SPAG16: variants seen among roughly 807,000 people sequenced by gnomAD.
SPAG16 encodes the protein sperm associated antigen 16, also known as sperm-associated antigen 16 protein.
Under a neutral mutation model 80.4 loss-of-function variants are expected in SPAG16, and 86 were observed. The observed-to-expected ratio is 1.07, with a 90% CI of 0.90 to 1.28. SPAG16 has a LOEUF of 1.28. Among genes scored for constraint, SPAG16 ranks in the 50% most tolerant of loss-of-function variants. The pLI, the probability that SPAG16 is intolerant of heterozygous loss-of-function variation, is 0.00. For synonymous variants in SPAG16, 294 were observed against 265.9 expected, an observed-to-expected ratio of 1.11 and a Z score of -1.03; for missense variants, 870 against 765.3, an observed-to-expected ratio of 1.14 and a Z score of -1.61.
chr2:213,981,475 T>C (rs1023060731), intron 12 of SPAG16, among the ~76,000 whole-genome samples: 1 of 152,234 alleles, frequency 6.6e-6, no homozygotes, highest in Admixed American at 6.5e-5. Context: ...ATTAAGTTAC[T>C]GATTATAATA....
chr2:213,503,112 T>C (rs2074812938), intron 10 of SPAG16, among the ~76,000 whole-genome samples: 1 of 152,256 alleles, frequency 6.6e-6, no homozygotes, highest in African/African-American at 2.4e-5. Context: ...TATCTGTTTA[T>C]GTATCTTGGA....
chr2:213,888,364 T>C (rs2076650722), intron 11 of SPAG16, among the ~76,000 whole-genome samples: 1 of 151,886 alleles, frequency 6.6e-6, no homozygotes, highest in African/African-American at 2.4e-5. Context: ...CACTTCTATA[T>C]GGTTTTGAGA....
intron 15 of SPAG16, among the ~76,000 whole-genome samples, chr2:214,399,317 A>G (rs1701578675): frequency 6.6e-6 from 1 of 152,048 alleles, no homozygotes; most frequent in Non-Finnish European, 1.5e-5. Context: ...ACATATTTGC[A>G]TATCTTTTTT....
intron 11 of SPAG16, among the ~76,000 whole-genome samples, chr2:213,885,734 C>G (rs12463610): frequency 6.6e-6 from 1 of 151,932 alleles, no homozygotes; most frequent in Admixed American, 6.6e-5. Context: ...TCATTTACAA[C>G]GTTTCACAAA....
intron 11 of SPAG16, among the ~76,000 whole-genome samples, chr2:213,925,176 C>T (rs1374839526): frequency 1.3e-5 from 2 of 151,766 alleles, no homozygotes; most frequent in African/African-American, 2.4e-5. Context: ...TTTATTTTTG[C>T]AAGCATTTTA....
intron 10 of SPAG16, among the ~76,000 whole-genome samples, chr2:213,797,246 A>G (rs1243248631): frequency 7.2e-5 from 11 of 152,266 alleles, no homozygotes; most frequent in African/African-American, 2.6e-4. Flanking sequence ...AAATTTTTTA[A>G]AAAGAAAATT....
chr2:213,741,613 A>C (rs17703620), intron 10 of SPAG16, among the ~76,000 whole-genome samples: 2,924 of 152,280 alleles, frequency 0.019, 43 homozygotes, highest in Middle Eastern at 0.027. Context: ...TCAGATTTTA[A>C]AAAATAATTC....
At chr2:213,744,198 A>G (rs1197285144) in intron 10 of SPAG16, among the ~76,000 whole-genome samples, 5 of 152,150 alleles carry the variant, frequency 3.3e-5, no homozygotes, top group Non-Finnish European at 7.3e-5. Flanking sequence ...TCTGAACCAA[A>G]GCAGCTTTTT....
At chr2:214,069,603 C>G (rs2050690717) in intron 13 of SPAG16, among the ~76,000 whole-genome samples, 1 of 152,082 alleles carries the variant, frequency 6.6e-6, no homozygotes, top group African/African-American at 2.4e-5. Flanking sequence ...CAGTGCCAAC[C>G]TAAAATCATA....
chr2:213,634,888 T>G (rs2062299464), intron 10 of SPAG16, among the ~76,000 whole-genome samples: 1 of 152,134 alleles, frequency 6.6e-6, no homozygotes, highest in Admixed American at 6.6e-5. Context: ...TCACTTGGAA[T>G]AATGGTCTCC....
At chr2:213,420,341 T>C (rs2069509493) in intron 9 of SPAG16, among the ~76,000 whole-genome samples, 2 of 152,192 alleles carry the variant, frequency 1.3e-5, no homozygotes, top group Non-Finnish European at 2.9e-5. Context: ...GTGCTTATAC[T>C]TTATATGTTG....
intron 10 of SPAG16, among the ~76,000 whole-genome samples, chr2:213,629,674 C>T (rs879569657): frequency 1.3e-5 from 2 of 152,234 alleles, no homozygotes; most frequent in Non-Finnish European, 2.9e-5. Context: ...GCCTCTTTTG[C>T]TCTGCTCAAT....
chr2:213,988,703 A>C (rs1016273833), intron 12 of SPAG16, among the ~76,000 whole-genome samples: 2 of 152,024 alleles, frequency 1.3e-5, no homozygotes, highest in African/African-American at 4.8e-5. Flanking sequence ...CATTCAAAAT[A>C]GCTCCCAAAA....
chr2:213,803,693 T>A (rs2071559006), intron 10 of SPAG16, among the ~76,000 whole-genome samples: 1 of 152,362 alleles, frequency 6.6e-6, no homozygotes, highest in Admixed American at 6.5e-5. Flanking sequence ...AAAATTTTAC[T>A]CTGTTTTTCA....
chr2:214,371,586 A>G (rs1699819826), intron 15 of SPAG16, among the ~76,000 whole-genome samples: 1 of 151,688 alleles, frequency 6.6e-6, no homozygotes, highest in African/African-American at 2.4e-5. Context: ...GCTTGGTTTC[A>G]GGAAGATAAA....
intron 10 of SPAG16, among the ~76,000 whole-genome samples, chr2:213,737,621 G>A (rs2067347865): frequency 6.6e-6 from 1 of 151,820 alleles, no homozygotes; most frequent in Admixed American, 6.6e-5. Flanking sequence ...CCGAGTAGCT[G>A]GGACTATAGG....
chr2:214,108,361 T>C (rs2053486484), intron 14 of SPAG16, 100 bp downstream of exon 14: 1 of 914,364 alleles, frequency 1.1e-6, no homozygotes, highest in African/African-American at 1.7e-5. Context: ...GTTAATGAGG[T>C]GAGAAGAACA....
intron 10 of SPAG16, among the ~76,000 whole-genome samples, chr2:213,709,974 A>G (rs1221792060): frequency 6.6e-6 from 1 of 152,234 alleles, no homozygotes; most frequent in Non-Finnish European, 1.5e-5. Context: ...ACACAAATTT[A>G]GAAGTTATAG....
chr2:213,940,109 C>T (rs1188445047), intron 12 of SPAG16, among the ~76,000 whole-genome samples: 1 of 151,956 alleles, frequency 6.6e-6, no homozygotes, highest in African/African-American at 2.4e-5. Context: ...AAATTTTAAA[C>T]TAGAAACACA....
Sources: gnomAD v4.1 joint callset for allele counts (sites outside exome capture counted in the v4.1 genomes callset) on GRCh38, gnomAD v4.1.1 for gene constraint, MANE v1.5 for transcripts, NCBI Gene and HGNC (gene_info 2026-07-23, HGNC 2026-07-21) for gene names.